Variants in ZNF92 observed in about 807,000 individuals in gnomAD.
ZNF92 encodes epididymis luminal protein 203.
ZNF92 carries 11 observed loss-of-function variants against 12.4 expected under a neutral mutation model. The observed-to-expected ratio is 0.89, with a 90% CI of 0.56 to 1.47. The LOEUF (loss-of-function observed/expected upper bound fraction) is 1.47, where lower values mean the gene tolerates loss of function less well. Ranked by LOEUF, ZNF92 falls within the 40% of genes most tolerant of loss-of-function variation. The pLI, the probability that ZNF92 is intolerant of heterozygous loss-of-function variation, is 0.00. For synonymous variants in ZNF92, 206 were observed against 228.6 expected, an observed-to-expected ratio of 0.90 and a Z score of 0.89; for missense variants, 622 against 681.0, an observed-to-expected ratio of 0.91 and a Z score of 0.96.
At chr7:65,397,310 G>A (rs539660451) in intron 3 of ZNF92, among the ~76,000 whole-genome samples, 23 of 147,730 alleles carry the variant, frequency 1.6e-4, no homozygotes, top group Middle Eastern at 6.8e-3. Flanking sequence ...ATCCTAGTTT[G>A]TCTAGCTTCT....
chr7:65,398,293 C>A, intron 3 of ZNF92, 48 bp from the exon 4 acceptor site: 1 of 1,409,566 alleles, frequency 7.1e-7, no homozygotes, highest in South Asian at 1.6e-5. Flanking sequence ...AAAGTATATT[C>A]ATCTGAGTCT....
chr7:65,388,749 A>C, intron 2 of ZNF92, 57 bp from the exon 3 acceptor site: 3 of 1,393,500 alleles, frequency 2.2e-6, no homozygotes, highest in Non-Finnish European at 3.0e-6. Context: ...GCATATTACT[A>C]TGTTGGTAAT....
At position 65,399,105 on chromosome 7, in the gene ZNF92, CATAAG is replaced by C. The variant is rs754563572; in HGVS notation, c.996_1000del (p.Lys332AsnfsTer11). On this transcript the variant is annotated frameshift_variant, in exon 4 of 4. Coordinates refer to ENST00000328747, the MANE Select transcript of ZNF92 (RefSeq NM_152626.4). LOFTEE classifies it low-confidence loss of function (END_TRUNC). ...TAGAGTATTCTCAATTCTTAAAAAACATAAGATAATCCATACTGGGGAAAAACCAT... is the reference window on the plus strand; with the variant it reads ...TAGAGTATTCTCAATTCTTAAAAAACATAATCCATACTGGGGAAAAACCAT... The C allele has an allele frequency of 6.2e-7, 1 of 1,612,624 alleles. No homozygotes were observed. The highest frequency in any genetic ancestry group is 8.5e-7 in the Non-Finnish European group (1 of 1,179,360).
chr7:65,392,150 GTT>G (rs1185335867), intron 3 of ZNF92, among the ~76,000 whole-genome samples: 1 of 151,902 alleles, frequency 6.6e-6, no homozygotes, highest in Non-Finnish European at 1.5e-5. Context: ...ATATGTGTGT[GTT>G]TTTATCTATT....
chr7:65,390,347 A>G (rs1793680106), intron 3 of ZNF92, among the ~76,000 whole-genome samples: 1 of 152,134 alleles, frequency 6.6e-6, no homozygotes, highest in Admixed American at 6.5e-5. Context: ...CATTGGCACA[A>G]TATAGTTTTG....
chr7:65,374,865 C>T (rs749632335), intron 1 of ZNF92, among the ~76,000 whole-genome samples: 19 of 152,070 alleles, frequency 1.2e-4, no homozygotes, highest in African/African-American at 3.6e-4. Flanking sequence ...GTCTACCCCC[C>T]ATCCCTCATT....
At position 65,373,889 on chromosome 7, in the gene ZNF92, T is replaced by G; in HGVS notation, c.-109T>G. ...TGCAGCCGGCGCTCCACGTCTAGTC[T>G]TCACTGCTCTGCGTCCTGTGCTGAT... On this transcript the variant is annotated 5_prime_UTR_variant, in exon 1 of 4. Transcript: ENST00000328747. The G allele has an allele frequency of 1.3e-6, 2 of 1,504,484 alleles. No homozygotes were observed. Among genetic ancestry groups the G allele is most frequent in the East Asian group, 4.5e-5 (2 of 44,260 alleles). 93.2% of individuals were successfully genotyped at this position (1,504,484 alleles called of 1,614,324 possible).
chr7:65,389,715 C>T (rs961376387), intron 3 of ZNF92, among the ~76,000 whole-genome samples: 1 of 151,842 alleles, frequency 6.6e-6, no homozygotes, highest in Non-Finnish European at 1.5e-5. Context: ...TGGGGTTTCT[C>T]CACGTTGGCC....
chr7:65,379,317 A>G (rs898463968), intron 1 of ZNF92, among the ~76,000 whole-genome samples: 4 of 152,102 alleles, frequency 2.6e-5, no homozygotes, highest in African/African-American at 7.2e-5. Context: ...GTGTTCACCA[A>G]TCTACAGATC....
At position 65,399,767 on chromosome 7, in the gene ZNF92, C is replaced by T. The variant is rs1793961296; in HGVS notation, c.1653C>T (p.Thr551=). The T allele has an allele frequency of 2.5e-6, 4 of 1,613,424 alleles. No individual in the cohort carries two copies. Among genetic ancestry groups the T allele is most frequent in the Non-Finnish European group, 3.4e-6 (4 of 1,179,626 alleles). Reference sequence around the variant, plus strand: ...ACAAAGCCTTTAACAAGTTCTCAACCCTTATTACACATCAGATAATTTATA... The same window carrying T: ...ACAAAGCCTTTAACAAGTTCTCAACTCTTATTACACATCAGATAATTTATA... ...ECDKAFNKFS[T]LITHQIIYTG... Residue 551 remains threonine, a synonymous_variant, in exon 4 of 4, where the codon ACC becomes ACT. Transcript: ENST00000328747.
intron 3 of ZNF92, among the ~76,000 whole-genome samples, chr7:65,397,044 C>A (rs1793863364): frequency 6.6e-6 from 1 of 151,804 alleles, no homozygotes; most frequent in South Asian, 2.1e-4. Flanking sequence ...AGATTTCTCC[C>A]ATGAATATAT....
chr7:65,385,217 T>C (rs1409261580), intron 1 of ZNF92, among the ~76,000 whole-genome samples: 1 of 152,090 alleles, frequency 6.6e-6, no homozygotes, highest in Admixed American at 6.6e-5. Flanking sequence ...TCACATTACA[T>C]AGAGTGGGGC....
intron 3 of ZNF92, among the ~76,000 whole-genome samples, chr7:65,397,075 A>G (rs1793864183): frequency 6.6e-6 from 1 of 151,874 alleles, no homozygotes; most frequent in Non-Finnish European, 1.5e-5. Context: ...GATGGTGGCC[A>G]GTAAGTTTTA....
intron 1 of ZNF92, among the ~76,000 whole-genome samples, chr7:65,379,380 T>C (rs1000028222): frequency 3.3e-5 from 5 of 151,812 alleles, no homozygotes; most frequent in African/African-American, 1.2e-4. Flanking sequence ...GAACTCTGGG[T>C]GTCTGGGAAT....
chr7:65,374,153 C>T (rs1033051647), intron 1 of ZNF92, among the ~76,000 whole-genome samples, 153 bp downstream of exon 1: 3 of 152,086 alleles, frequency 2.0e-5, no homozygotes, highest in Non-Finnish European at 2.9e-5. Flanking sequence ...CAGTCTCCTT[C>T]AGCCATAAGA....
chr7:65,391,089 A>G (rs1793697047), intron 3 of ZNF92, among the ~76,000 whole-genome samples: 1 of 151,246 alleles, frequency 6.6e-6, no homozygotes, highest in Admixed American at 6.6e-5. Context: ...GCATTTCACA[A>G]CTCCCTCCCT....
chr7:65,375,795 C>T (rs1793221684), intron 1 of ZNF92, among the ~76,000 whole-genome samples: 1 of 151,552 alleles, frequency 6.6e-6, no homozygotes, highest in Non-Finnish European at 1.5e-5. Flanking sequence ...TTGCAGTGAG[C>T]CAAGATCATG....
chr7:65,383,752 A>G (rs1049403655), intron 1 of ZNF92, among the ~76,000 whole-genome samples: 3 of 152,150 alleles, frequency 2.0e-5, no homozygotes, highest in African/African-American at 7.2e-5. Flanking sequence ...TGATCAGGAC[A>G]GGTAATCCAG....
Position 65,401,059 on chromosome 7 carries a change from A to AT in ZNF92, c.*1185dup, listed in dbSNP as rs1794002478. On this transcript the variant is annotated 3_prime_UTR_variant, in exon 4 of 4. Transcript: ENST00000328747. ...ATTTTGTTGATTGTGCTTTTATGTA[A>AT]TAAAATGCAGTACTTTAAAACATTT... 6.6e-6 allele frequency: 1 copy of AT among 152,066 alleles called. No homozygotes were observed. Among genetic ancestry groups the AT allele is most frequent in the Non-Finnish European group, 1.5e-5 (1 of 67,948 alleles). The allele number at this position is 152,066 out of a possible 1,614,324, so 9.4% of individuals were successfully genotyped here. A position where few individuals can be genotyped will look rare whatever the true frequency, so the allele number is the denominator to read the frequency against.
Sources: gnomAD v4.1 joint callset for allele counts (sites outside exome capture counted in the v4.1 genomes callset) on GRCh38, gnomAD v4.1.1 for gene constraint, MANE v1.5 for transcripts, NCBI Gene and HGNC (gene_info 2026-07-23, HGNC 2026-07-21) for gene names.